The following BIN2 variants were observed in gnomAD, a reference collection of about 807,000 sequenced individuals.
BIN2 encodes bridging integrator 2, also known as breast cancer associated protein BRAP1.
BIN2 carries 43 observed loss-of-function variants against 67.9 expected under a neutral mutation model. That is an observed-to-expected ratio of 0.63 (90% confidence interval 0.50 to 0.82). The LOEUF is 0.82. Ranked by LOEUF, BIN2 falls within the 40% of genes least tolerant of loss-of-function variation. The pLI is 0.00. For synonymous variants in BIN2, 244 were observed against 246.8 expected, an observed-to-expected ratio of 0.99 and a Z score of 0.11; for missense variants, 581 against 671.6, an observed-to-expected ratio of 0.87 and a Z score of 1.49.
At chr12:51,307,214 T>C (rs980468812) in intron 2 of BIN2, among the ~76,000 whole-genome samples, 1 of 131,832 alleles carries the variant, frequency 7.6e-6, no homozygotes, top group East Asian at 2.3e-4. Context: ...ACCCGGGAGG[T>C]GGAGGTTACA....
chr12:51,313,761 G>T, intron 2 of BIN2, 62 bp downstream of exon 2: 1 of 1,416,078 alleles, frequency 7.1e-7, no homozygotes, highest in Non-Finnish European at 1.0e-6. Flanking sequence ...TTGTTCTTCT[G>T]CCACTCAGCC....
intron 11 of BIN2, among the ~76,000 whole-genome samples, chr12:51,285,944 C>T (rs1158945642): frequency 6.6e-6 from 1 of 152,178 alleles, no homozygotes; most frequent in Non-Finnish European, 1.5e-5. Flanking sequence ...GTGATAGCCA[C>T]TTGAAATTCC....
intron 11 of BIN2, among the ~76,000 whole-genome samples, chr12:51,284,994 C>T (rs542915602): frequency 6.6e-6 from 1 of 152,236 alleles, no homozygotes; most frequent in South Asian, 2.1e-4. Flanking sequence ...AACTAAGATT[C>T]AAAGGGTAAA....
chr12:51,303,694 C>T (rs1182775044), intron 2 of BIN2, among the ~76,000 whole-genome samples: 3 of 152,130 alleles, frequency 2.0e-5, no homozygotes, highest in Non-Finnish European at 2.9e-5. Flanking sequence ...TCCCTGCTTC[C>T]ATCTTTGCTC....
chr12:51,295,562 CAAA>C (rs779588765), intron 9 of BIN2, among the ~76,000 whole-genome samples: 20 of 11,880 alleles, frequency 1.7e-3, no homozygotes, highest in East Asian at 4.2e-3. Context: ...GACTCCGTCT[CAAA>C]AAAAAAAAAA....
In BIN2 at chr12:51,284,715, C is replaced by T. The variant is rs1312390700; in HGVS notation, c.1668+1G>A. On this transcript the variant is annotated splice_donor_variant, in intron 12 of 12. Transcript: ENST00000615107. LOFTEE classifies it high-confidence loss of function. The stretch of plus-strand genomic sequence containing the variant: ...TCTATTCTCTGTATATCTGGTCTTA[C>T]CTCTTCTTGAGGTTCAGGTGCTGTG... 1 of 1,605,258 alleles carries T rather than the reference C, an allele frequency of 6.2e-7. No homozygotes were observed. Among genetic ancestry groups the T allele is most frequent in the East Asian group, 2.2e-5 (1 of 44,792 alleles).
intron 2 of BIN2, among the ~76,000 whole-genome samples, chr12:51,311,997 C>G (rs994468656): frequency 1.3e-5 from 2 of 152,126 alleles, no homozygotes; most frequent in African/African-American, 4.8e-5. Context: ...GTCTCGAACT[C>G]CTGACCTCAG....
Position 51,306,789 on chromosome 12 carries a change from A to G in BIN2, c.163-3648T>C, listed in dbSNP as rs562755817. On this transcript the variant is annotated intron_variant, in intron 2 of 12. Transcript: ENST00000615107. ...TTCAGTCAGTTAACAAAATTCAGAA[A>G]CACTCAGCATCTACCAGAAAGGATA... Among the ~76,000 whole-genome samples the G allele has an allele frequency of 2.6e-5, 4 of 152,334 alleles. No individual in the cohort carries two copies. In the South Asian group the frequency reaches 8.3e-4, roughly 32 times the overall value.
chr12:51,323,973 G>A (rs777346520), intron 1 of BIN2, 49 bp downstream of exon 1: 6 of 1,601,324 alleles, frequency 3.7e-6, no homozygotes, highest in Non-Finnish European at 4.3e-6. Context: ...GCTCGGCCTC[G>A]GCCTCGGCTC....
intron 1 of BIN2, among the ~76,000 whole-genome samples, chr12:51,320,936 A>ACACACACACACAGACAC (rs1031506424): frequency 7.2e-6 from 1 of 138,748 alleles, no homozygotes; most frequent in Non-Finnish European, 1.6e-5. Context: ...TCATACTAAA[A>ACACACACACACAGACAC]ACACACACAC....
chr12:51,294,590 C>A (rs113580494), intron 9 of BIN2, among the ~76,000 whole-genome samples: 15,598 of 148,570 alleles, frequency 0.1, 837 homozygotes, highest in African/African-American at 0.13. Context: ...ACAAAAAAAA[C>A]CCCCCAAAAA....
chr12:51,295,593 T>A (rs1271057923), intron 9 of BIN2, among the ~76,000 whole-genome samples: 1,277 of 15,524 alleles, frequency 0.082, 137 homozygotes, highest in African/African-American at 0.15. Flanking sequence ...TATATATATA[T>A]ATATATATAT....
chr12:51,281,600 C>T, intron 12 of BIN2, 72 bp from the exon 13 acceptor site: 1 of 1,495,992 alleles, frequency 6.7e-7, no homozygotes, highest in Admixed American at 1.7e-5. Flanking sequence ...GGGTTAAACT[C>T]AGTTTGCTTC....
chr12:51,282,589 A>C (rs1443037272), intron 12 of BIN2, among the ~76,000 whole-genome samples: 1 of 152,134 alleles, frequency 6.6e-6, no homozygotes, highest in East Asian at 1.9e-4. Context: ...GCTTTTAAAA[A>C]TATTTTTCTA....
chr12:51,313,588 G>A (rs1217945353), intron 2 of BIN2, among the ~76,000 whole-genome samples: 5 of 151,998 alleles, frequency 3.3e-5, no homozygotes, highest in South Asian at 2.1e-4. Context: ...TGATCCGCCC[G>A]CCTCGCCCTC....
intron 11 of BIN2, among the ~76,000 whole-genome samples, chr12:51,286,935 C>T (rs1257791254): frequency 6.6e-6 from 1 of 151,062 alleles, no homozygotes; most frequent in Admixed American, 6.6e-5. Flanking sequence ...GGTGATCCCA[C>T]CTCAGCTTCC....
At chr12:51,309,864 G>A (rs1945954142) in intron 2 of BIN2, among the ~76,000 whole-genome samples, 1 of 152,126 alleles carries the variant, frequency 6.6e-6, no homozygotes, top group African/African-American at 2.4e-5. Flanking sequence ...CTTAGAGAGA[G>A]GACAAAGGGA....
At chr12:51,287,227 TACAGTGTCGAAC>T (rs1175580792) in intron 11 of BIN2, among the ~76,000 whole-genome samples, 1 of 152,076 alleles carries the variant, frequency 6.6e-6, no homozygotes, top group East Asian at 1.9e-4. Flanking sequence ...CGTAGCATAC[TACAGTGTCGAAC>T]ACCTGGGCTC....
At chr12:51,301,656 G>A (rs764146886) in intron 5 of BIN2, among the ~76,000 whole-genome samples, 34 of 151,818 alleles carry the variant, frequency 2.2e-4, no homozygotes, top group Admixed American at 9.2e-4. Context: ...CTACAGACAC[G>A]CACCACCACA....
Sources: allele counts gnomAD v4.1 joint callset (sites outside exome capture counted in the v4.1 genomes callset), GRCh38; gene constraint gnomAD v4.1.1; transcripts MANE v1.5; gene names NCBI Gene and HGNC (gene_info 2026-07-23, HGNC 2026-07-21).